Variants in TTLL11 observed in about 807,000 individuals in gnomAD.
TTLL11 encodes tubulin tyrosine ligase like 11.
TTLL11 carries 42 observed loss-of-function variants against 51.7 expected under a neutral mutation model. The ratio of observed to expected loss-of-function variants is 0.81; its 90% CI spans 0.64 to 1.05. The LOEUF is 1.05. TTLL11 is among the 50% of genes least tolerant of loss of function. The probability of loss-of-function intolerance (pLI) is 0.00; values close to 1 mark genes in which losing one functional copy is unlikely to be tolerated. For synonymous variants in TTLL11, 381 were observed against 383.5 expected, an observed-to-expected ratio of 0.99 and a Z score of 0.08; for missense variants, 799 against 940.4, an observed-to-expected ratio of 0.85 and a Z score of 1.97.
chr9:121,827,705 T>C (rs1442242551), intron 8 of TTLL11, among the ~76,000 whole-genome samples: 1 of 152,202 alleles, frequency 6.6e-6, no homozygotes, highest in Non-Finnish European at 1.5e-5. Context: ...AGATATTGGC[T>C]TTAATCCTCA....
chr9:122,000,875 G>T (rs1843440523), intron 3 of TTLL11, among the ~76,000 whole-genome samples: 1 of 152,106 alleles, frequency 6.6e-6, no homozygotes, highest in African/African-American at 2.4e-5. Flanking sequence ...TCTGGATCAG[G>T]ACCCGTTTCT....
rs188581291 is a variant in TTLL11, at chr9:121,822,530, C to T, written c.*57G>A. ...TCCTCTGCAGGCAGAATGCCTGGGGCGCTCCAGCCCTGAAAGCTGCTCTCG... is the reference window on the plus strand; with the variant it reads ...TCCTCTGCAGGCAGAATGCCTGGGGTGCTCCAGCCCTGAAAGCTGCTCTCG... On this transcript the variant is annotated 3_prime_UTR_variant, in exon 9 of 9. Transcript: ENST00000321582. This position sits in a 1 kb window ranked among gnomAD's most constrained non-coding sequence, Gnocchi z 5.8. 2,710 of 1,396,866 alleles carry T rather than the reference C, an allele frequency of 1.9e-3. 29 individuals are homozygous for T. The African/African-American group carries it at 0.026, about 14-fold the overall frequency. 86.5% of individuals were successfully genotyped at this position (1,396,866 alleles called of 1,614,324 possible).
At chr9:121,923,197 G>A (rs1274522388) in intron 6 of TTLL11, among the ~76,000 whole-genome samples, 1 of 152,166 alleles carries the variant, frequency 6.6e-6, no homozygotes, top group Non-Finnish European at 1.5e-5. Context: ...ATAAATGTCT[G>A]ATTACGGGGA....
intron 6 of TTLL11, among the ~76,000 whole-genome samples, chr9:121,875,363 GCCTC>G (rs1838526411): frequency 6.6e-6 from 1 of 152,172 alleles, no homozygotes; most frequent in Non-Finnish European, 1.5e-5. Flanking sequence ...TCCAACTCCT[GCCTC>G]CAGAGCCTTG....
chr9:121,925,216 T>C (rs1840684408), intron 6 of TTLL11, among the ~76,000 whole-genome samples: 1 of 152,216 alleles, frequency 6.6e-6, no homozygotes. Flanking sequence ...AAACAGGATG[T>C]GTGCTTTTCT....
intron 6 of TTLL11, among the ~76,000 whole-genome samples, chr9:121,935,168 A>G (rs1841153373): frequency 6.6e-6 from 1 of 151,574 alleles, no homozygotes. Flanking sequence ...CATGTTGCCC[A>G]GGCTGGTCTT....
intron 6 of TTLL11, among the ~76,000 whole-genome samples, chr9:121,926,236 G>T (rs1331156441): frequency 6.6e-6 from 1 of 152,172 alleles, no homozygotes; most frequent in Non-Finnish European, 1.5e-5. Flanking sequence ...CTGGCCCTGG[G>T]GGACCCTGCG....
intron 1 of TTLL11, among the ~76,000 whole-genome samples, chr9:122,053,307 A>C (rs1428478002): frequency 2.6e-5 from 4 of 152,152 alleles, no homozygotes; most frequent in Non-Finnish European, 4.4e-5. Flanking sequence ...AGGAGGGGCC[A>C]CTGGAGCGGG....
intron 8 of TTLL11, among the ~76,000 whole-genome samples, chr9:121,851,839 G>C (rs1048754873): frequency 7.8e-4 from 13 of 16,766 alleles, no homozygotes; most frequent in South Asian, 5.7e-3. Context: ...AGGAGTGGTG[G>C]GGGGGAAGCC....
chr9:121,850,398 A>G (rs916961069), intron 8 of TTLL11, among the ~76,000 whole-genome samples: 10 of 151,994 alleles, frequency 6.6e-5, no homozygotes, highest in Non-Finnish European at 1.0e-4. Context: ...TCCCAGGCCT[A>G]AGGCCTAAGT....
chr9:122,012,990 G>A (rs940388683), intron 3 of TTLL11, among the ~76,000 whole-genome samples: 6 of 152,138 alleles, frequency 3.9e-5, no homozygotes, highest in African/African-American at 1.4e-4. Context: ...GTTGGGCACT[G>A]GGGAGCAGAA....
At chr9:121,929,756 AG>A (rs1210557102) in intron 6 of TTLL11, among the ~76,000 whole-genome samples, 1 of 152,258 alleles carries the variant, frequency 6.6e-6, no homozygotes, top group Non-Finnish European at 1.5e-5. Flanking sequence ...GGCATAAGGC[AG>A]GTTCCGAGGA....
chr9:121,953,651 AAAAGAAG>A (rs1841926231), intron 6 of TTLL11, among the ~76,000 whole-genome samples: 1 of 73,844 alleles, frequency 1.4e-5, no homozygotes, highest in South Asian at 2.6e-4. Flanking sequence ...AAAAAAAAAA[AAAAGAAG>A]AAGATTAACC....
Position 121,997,213 on chromosome 9 carries a change from G to A in TTLL11, c.694-7443C>T, listed in dbSNP as rs185527783. On this transcript the variant is annotated intron_variant, in intron 3 of 8. Transcript: ENST00000321582. ...AAAAAAGCCTCTCTAGAACACGCCC[G>A]GGACACTGAAACCTGTTTGATAGGA... Among the ~76,000 whole-genome samples the A allele has an allele frequency of 7.0e-4, 101 of 144,266 alleles. 1 individual carries two copies. The highest frequency in any genetic ancestry group is 5.2e-3 in the East Asian group (25 of 4,824). 94.6% of individuals were successfully genotyped at this position (144,266 alleles called of 152,430 possible).
At position 122,092,669 on chromosome 9, in the gene TTLL11, G is replaced by T; in HGVS notation, c.462+18C>A. ...CCACCCCACTGTGCCCACGCGGCCG[G>T]GTCGGGCCGGGCCTCACCTCCTTCC... On this transcript the variant is annotated intron_variant, in intron 1 of 8. Coordinates refer to ENST00000321582, the MANE Select transcript of TTLL11 (RefSeq NM_001139442.2). 1.3e-6 allele frequency: 2 copies of T among 1,536,374 alleles called. No homozygotes were observed. The highest frequency in any genetic ancestry group is 1.7e-6 in the Non-Finnish European group (2 of 1,146,694).
At chr9:122,015,997 CA>C (rs774676454) in intron 3 of TTLL11, among the ~76,000 whole-genome samples, 46 of 152,012 alleles carry the variant, frequency 3.0e-4, no homozygotes, top group Non-Finnish European at 5.7e-4. Flanking sequence ...GGTAATTAAA[CA>C]GGTAGTCACT....
chr9:122,027,230 G>C (rs926427267), intron 3 of TTLL11, among the ~76,000 whole-genome samples: 3 of 152,070 alleles, frequency 2.0e-5, no homozygotes, highest in Admixed American at 2.0e-4. Flanking sequence ...CAACACCAAG[G>C]GGGGAAATCT....
intron 6 of TTLL11, among the ~76,000 whole-genome samples, chr9:121,969,851 G>A (rs896194674): frequency 2.0e-5 from 3 of 152,160 alleles, no homozygotes; most frequent in Admixed American, 6.6e-5. Context: ...GCATAAATCA[G>A]GTAATTTTTC....
At chr9:121,921,699 T>C (rs1435154430) in intron 6 of TTLL11, among the ~76,000 whole-genome samples, 1 of 152,048 alleles carries the variant, frequency 6.6e-6, no homozygotes, top group Non-Finnish European at 1.5e-5. Flanking sequence ...GTCACTCCAA[T>C]TGGGGATAGT....
Sources: allele counts gnomAD v4.1 joint callset (sites outside exome capture counted in the v4.1 genomes callset), GRCh38; gene constraint gnomAD v4.1.1; non-coding constraint Gnocchi (gnomAD v3.1); transcripts MANE v1.5; gene names NCBI Gene and HGNC (gene_info 2026-07-23, HGNC 2026-07-21).